The following GMDS variants were observed in gnomAD, a reference collection of about 807,000 sequenced individuals.
GMDS encodes the protein GDP-mannose 4,6-dehydratase.
A neutral mutation model predicts 49.9 loss-of-function variants in GMDS; 20 were observed. The observed-to-expected ratio is 0.40, with a 90% CI of 0.28 to 0.58. The LOEUF (loss-of-function observed/expected upper bound fraction) is 0.58, where lower values mean the gene tolerates loss of function less well. Ranked by LOEUF, GMDS falls within the 20% of genes least tolerant of loss-of-function variation. The pLI is 0.42. For synonymous variants in GMDS, 177 were observed against 178.6 expected, an observed-to-expected ratio of 0.99 and a Z score of 0.07; for missense variants, 362 against 481.4, an observed-to-expected ratio of 0.75 and a Z score of 2.32.
intron 9 of GMDS, among the ~76,000 whole-genome samples, chr6:1,654,608 G>A (rs1437202760): frequency 6.6e-6 from 1 of 152,170 alleles, no homozygotes; most frequent in African/African-American, 2.4e-5. Flanking sequence ...GCTTGGGGTG[G>A]AGAAAATGGG....
chr6:2,180,871 A>G (rs1030885648), intron 1 of GMDS, among the ~76,000 whole-genome samples: 1 of 152,174 alleles, frequency 6.6e-6, no homozygotes, highest in Admixed American at 6.5e-5. Context: ...AAAGTACATA[A>G]GACAGATGGA....
intron 4 of GMDS, among the ~76,000 whole-genome samples, chr6:1,997,143 A>C (rs1197002211): frequency 6.6e-6 from 1 of 152,018 alleles, no homozygotes; most frequent in Non-Finnish European, 1.5e-5. Flanking sequence ...GGCAGATAGC[A>C]AAGTTGGTTC....
At chr6:1,943,735 A>C (rs1353050848) in intron 6 of GMDS, among the ~76,000 whole-genome samples, 2 of 152,216 alleles carry the variant, frequency 1.3e-5, no homozygotes, top group African/African-American at 4.8e-5. Context: ...TTATCTGGTC[A>C]CACTAGGCAG....
chr6:2,037,743 T>C (rs911952551), intron 4 of GMDS, among the ~76,000 whole-genome samples: 8 of 152,128 alleles, frequency 5.3e-5, no homozygotes, highest in African/African-American at 1.9e-4. Flanking sequence ...TGCTCTCTAG[T>C]GTTTACAACC....
chr6:1,760,454 G>T (rs1428844430), intron 7 of GMDS, among the ~76,000 whole-genome samples: 1 of 152,176 alleles, frequency 6.6e-6, no homozygotes, highest in African/African-American at 2.4e-5. Flanking sequence ...AGGGGCCAGT[G>T]TGAAAGGAGC....
intron 7 of GMDS, among the ~76,000 whole-genome samples, chr6:1,905,597 G>GC (rs1760723421): frequency 7.4e-6 from 1 of 135,404 alleles, no homozygotes; most frequent in Non-Finnish European, 1.6e-5. Context: ...GTGGGTGTTG[G>GC]TGTGTAGGTG....
At chr6:1,831,268 T>C (rs1756629820) in intron 7 of GMDS, among the ~76,000 whole-genome samples, 1 of 152,240 alleles carries the variant, frequency 6.6e-6, no homozygotes. Context: ...CTGTGTCCCA[T>C]CTGCCATGTG....
chr6:2,134,346 C>G (rs1422570236), intron 1 of GMDS, among the ~76,000 whole-genome samples: 1 of 152,216 alleles, frequency 6.6e-6, no homozygotes, highest in Non-Finnish European at 1.5e-5. Context: ...TTTAAAATCT[C>G]TACTCAGTGG....
intron 7 of GMDS, among the ~76,000 whole-genome samples, chr6:1,796,383 G>C (rs539361240): frequency 3.5e-4 from 53 of 152,322 alleles, no homozygotes; most frequent in African/African-American, 1.3e-3. Context: ...ACTACTCTTA[G>C]TGTATTTTCA....
rs1436065387 is a variant in GMDS, at chr6:2,243,840, CTTCTTTTT to C, written c.102+1473_102+1480del. Among the ~76,000 whole-genome samples, 476 of 127,076 alleles carry C rather than the reference CTTCTTTTT, an allele frequency of 3.7e-3. 1 individual carries two copies. Among genetic ancestry groups the C allele is most frequent in the Middle Eastern group, 0.013 (3 of 238 alleles). 83.4% of individuals were successfully genotyped at this position (127,076 alleles called of 152,430 possible). On this transcript the variant is annotated intron_variant, in intron 1 of 10. Transcript: ENST00000380815. The stretch of plus-strand genomic sequence containing the variant: ...TGCATCTGGCCAATTTCAACTTCTC[CTTCTTTTT>C]TTTTTTTTTTTTTTTTTTTTTTTTT...
chr6:2,240,894 T>A (rs906122732), intron 1 of GMDS, among the ~76,000 whole-genome samples: 5 of 152,018 alleles, frequency 3.3e-5, no homozygotes, highest in Non-Finnish European at 2.9e-5. Context: ...ATCAGAAAAA[T>A]TTTTCAAATC....
chr6:1,705,234 G>A (rs1039348174), intron 9 of GMDS, among the ~76,000 whole-genome samples: 3 of 152,212 alleles, frequency 2.0e-5, no homozygotes, highest in African/African-American at 7.2e-5. Context: ...CAGAGTACAG[G>A]TGCACAGAGC....
intron 8 of GMDS, among the ~76,000 whole-genome samples, chr6:1,729,702 AGAG>A (rs1303407586): frequency 6.6e-6 from 1 of 152,254 alleles, no homozygotes; most frequent in East Asian, 1.9e-4. Context: ...GGCTTGACAG[AGAG>A]GAGAGGATTC....
intron 7 of GMDS, among the ~76,000 whole-genome samples, chr6:1,780,638 C>A (rs1054806004): frequency 6.6e-6 from 1 of 152,188 alleles, no homozygotes; most frequent in African/African-American, 2.4e-5. Flanking sequence ...AGCTGGCTCC[C>A]GCGCTGCTCT....
chr6:1,701,913 G>T (rs1397211596), intron 9 of GMDS, among the ~76,000 whole-genome samples: 1 of 152,228 alleles, frequency 6.6e-6, no homozygotes, highest in Admixed American at 6.5e-5. Context: ...TTCTTCCAAA[G>T]TAGCTGAAAG....
intron 7 of GMDS, among the ~76,000 whole-genome samples, chr6:1,767,442 G>T (rs1768403003): frequency 6.6e-6 from 1 of 152,188 alleles, no homozygotes; most frequent in African/African-American, 2.4e-5. Context: ...TCAACCTTAT[G>T]CCCTGTCCAT....
At position 1,674,417 on chromosome 6, in the gene GMDS, C is replaced by G. The variant is rs143164453; in HGVS notation, c.988-49877G>C. Among the ~76,000 whole-genome samples, 151 of 152,154 alleles carry G rather than the reference C, an allele frequency of 9.9e-4. 2 individuals carry two copies. The highest frequency in any genetic ancestry group is 3.4e-3 in the African/African-American group (141 of 41,512). ...CTTTGTACATTCTAGATAATCAGTCCTTTACTGACTATGTGTATTGCAAAG... is the reference window on the plus strand; with the variant it reads ...CTTTGTACATTCTAGATAATCAGTCGTTTACTGACTATGTGTATTGCAAAG... On this transcript the variant is annotated intron_variant, in intron 9 of 10. Coordinates refer to ENST00000380815, the MANE Select transcript of GMDS (RefSeq NM_001500.4).
At chr6:1,864,028 A>G (rs1039321965) in intron 7 of GMDS, among the ~76,000 whole-genome samples, 2 of 152,220 alleles carry the variant, frequency 1.3e-5, no homozygotes, top group African/African-American at 4.8e-5. Context: ...GGGGTGGGTC[A>G]TAACGTTTCA....
At chr6:2,022,462 T>C (rs1369724776) in intron 4 of GMDS, among the ~76,000 whole-genome samples, 1 of 152,182 alleles carries the variant, frequency 6.6e-6, no homozygotes, top group African/African-American at 2.4e-5. Context: ...TGCTACAAAA[T>C]ATTTAAAATA....
Sources: allele counts gnomAD v4.1 joint callset (sites outside exome capture counted in the v4.1 genomes callset), GRCh38; gene constraint gnomAD v4.1.1; transcripts MANE v1.5; gene names NCBI Gene and HGNC (gene_info 2026-07-23, HGNC 2026-07-21).